The following ZBTB7A variants were observed in gnomAD, a reference collection of about 807,000 sequenced individuals.
ZBTB7A encodes zinc finger and BTB domain containing 7A.
ZBTB7A carries 7 observed loss-of-function variants against 26.7 expected under a neutral mutation model. That is an observed-to-expected ratio of 0.26 (90% confidence interval 0.15 to 0.49). The LOEUF is 0.49. Among genes scored for constraint, ZBTB7A ranks in the 20% least tolerant of loss-of-function variants. The pLI is 0.98. For synonymous variants in ZBTB7A, 452 were observed against 441.0 expected, an observed-to-expected ratio of 1.02 and a Z score of -0.31; for missense variants, 617 against 919.5, an observed-to-expected ratio of 0.67 and a Z score of 4.25.
chr19:4,056,811 G>A (rs542178245), intron 1 of ZBTB7A, among the ~76,000 whole-genome samples: 1 of 151,900 alleles, frequency 6.6e-6, no homozygotes, highest in African/African-American at 2.4e-5. Context: ...AGGTTGCAGT[G>A]AGCCGAGATT....
At chr19:4,061,254 G>A (rs1302161307) in intron 1 of ZBTB7A, among the ~76,000 whole-genome samples, 2 of 152,214 alleles carry the variant, frequency 1.3e-5, no homozygotes, top group African/African-American at 4.8e-5. Context: ...GAGTGGTGGG[G>A]CCTGAGGAGG....
At chr19:4,059,374 T>C (rs987660970) in intron 1 of ZBTB7A, among the ~76,000 whole-genome samples, 2 of 152,106 alleles carry the variant, frequency 1.3e-5, no homozygotes, top group Admixed American at 6.5e-5. Context: ...CAGTTCCAGG[T>C]TGGGTCCGGG....
chr19:4,065,310 G>C (rs1305770193), intron 1 of ZBTB7A: 4 of 148,356 alleles, frequency 2.7e-5, no homozygotes, highest in Non-Finnish European at 4.5e-5. Flanking sequence ...CCCCCCACCC[G>C]GGGCTGAGTC....
At chr19:4,063,476 C>T (rs1212535519) in intron 1 of ZBTB7A, among the ~76,000 whole-genome samples, 4 of 152,188 alleles carry the variant, frequency 2.6e-5, no homozygotes, top group East Asian at 3.8e-4. Flanking sequence ...AGAGGGGCCT[C>T]GTATGCACGT....
At position 4,054,562 on chromosome 19, in the gene ZBTB7A, G is replaced by T; in HGVS notation, c.671C>A (p.Pro224His). ...CNGLDFYGPGPPAERPPTGDG... is the reference protein window; with the variant it reads ...CNGLDFYGPGHPAERPPTGDG... ...CCCCGTCGGGGGCCGCTCGGCCGGG[G>T]GGCCCGGCCCATAGAAGTCTAAGCC... The change falls in exon 2 of 3, where the codon CCC (proline) becomes CAC (histidine). Residue 224 changes from proline to histidine, a missense_variant. Transcript: ENST00000322357. 2 of 1,489,028 alleles carry T rather than the reference G, an allele frequency of 1.3e-6. No individual in the cohort carries two copies. Among genetic ancestry groups the T allele is most frequent in the Non-Finnish European group, 1.8e-6 (2 of 1,132,058 alleles). The allele number at this position is 1,489,028 out of a possible 1,614,324, so 92.2% of individuals were successfully genotyped here.
rs932087777 is a variant in ZBTB7A at position 4,048,392 on chromosome 19, A to G, written c.1263-148T>C. The G allele has an allele frequency of 8.3e-7, 1 of 1,203,210 alleles. No homozygotes were observed. Among genetic ancestry groups the G allele is most frequent in the South Asian group, 1.9e-5 (1 of 52,210 alleles). The allele number at this position is 1,203,210 out of a possible 1,614,324, so 74.5% of individuals were successfully genotyped here. A position where few individuals can be genotyped will look rare whatever the true frequency, so the allele number is the denominator to read the frequency against. ...CAGAGGTTTCGGTGCCCCGATGGGG[A>G]CGGTCCCTCGAAAAACGAGACGAGT... On this transcript the variant is annotated intron_variant, in intron 2 of 2. Transcript: ENST00000322357. This position sits in a 1 kb window ranked among gnomAD's most constrained non-coding sequence, Gnocchi z 6.7.
In ZBTB7A at chr19:4,054,237, G is replaced by A. The variant is rs371536836; in HGVS notation, c.996C>T (p.Ala332=). 95 of 1,582,406 alleles carry A rather than the reference G, an allele frequency of 6.0e-5. No homozygotes were observed. The African/African-American group carries it at 9.8e-4, about 16-fold the overall frequency. ...QMMSSVGRAG[A]AAGDSDEESR... is the part of the protein sequence containing the mutation. ...ACTCCTCGTCGCTGTCCCCCGCCGC[G>A]GCCCCCGCCCGGCCCACCGATGACA... Residue 332 remains alanine, a synonymous_variant, in exon 2 of 3, where the codon GCC becomes GCT. Transcript: ENST00000322357.
At chr19:4,050,209 G>A (rs4807538) in intron 2 of ZBTB7A, among the ~76,000 whole-genome samples, 142,155 of 150,362 alleles carry the variant, frequency 0.95, 67,213 homozygotes, top group Admixed American at 0.96. Flanking sequence ...ACAGGCGTGC[G>A]CCACCACACC....
chr19:4,053,917 G>C (rs2144989194), intron 2 of ZBTB7A, 54 bp downstream of exon 2: 1 of 1,531,938 alleles, frequency 6.5e-7, no homozygotes, highest in Non-Finnish European at 8.7e-7. Flanking sequence ...GTCGTGAGCG[G>C]CGGATGCTGG....
rs1555691444 is a variant in ZBTB7A at position 4,044,682 on chromosome 19, TTC to T, written c.*3068_*3069del. On this transcript the variant is annotated 3_prime_UTR_variant, in exon 3 of 3. Transcript: ENST00000322357. ...TTCGCATTGTTTTTCTTTTTTTTTT[TTC>T]TCTTTTTTTTTTTGTACCAGGCAGT... The T allele has an allele frequency of 6.9e-6, 1 of 145,298 alleles. No homozygotes were observed. Among genetic ancestry groups the T allele is most frequent in the Non-Finnish European group, 1.5e-5 (1 of 66,924 alleles). 9.0% of individuals were successfully genotyped at this position (145,298 alleles called of 1,614,324 possible).
At chr19:4,064,993 G>A (rs1461837606) in intron 1 of ZBTB7A, among the ~76,000 whole-genome samples, 2 of 151,806 alleles carry the variant, frequency 1.3e-5, no homozygotes, top group African/African-American at 2.4e-5. Context: ...GTCCCTGGGG[G>A]GGCACCCGCT....
chr19:4,060,113 T>C (rs561148912), intron 1 of ZBTB7A, among the ~76,000 whole-genome samples: 6 of 151,444 alleles, frequency 4.0e-5, no homozygotes, highest in African/African-American at 1.5e-4. Context: ...CCGGGGCTGC[T>C]TGGTGCTGAC....
intron 1 of ZBTB7A, among the ~76,000 whole-genome samples, chr19:4,056,472 T>C (rs2040579354): frequency 6.6e-6 from 1 of 152,160 alleles, no homozygotes; most frequent in African/African-American, 2.4e-5. Context: ...ACGCCTGTAA[T>C]TCTAGCATTT....
rs754733561 is a variant in ZBTB7A, at chr19:4,047,886, CGTCCTT to C, written c.1615_1620del (p.Lys539_Asp540del). 9 of 1,596,318 alleles carry C rather than the reference CGTCCTT, an allele frequency of 5.6e-6. No individual in the cohort carries two copies. Among genetic ancestry groups the C allele is most frequent in the South Asian group, 2.2e-5 (2 of 89,216 alleles). Reference sequence around the variant, plus strand: ...CTGGCCACGTCCTCGTCCTCGTCCTCGTCCTTAAAGTGCTTCTCCTGGCCGTTGCGC... The same window carrying C: ...CTGGCCACGTCCTCGTCCTCGTCCTCAAAGTGCTTCTCCTGGCCGTTGCGC... On this transcript the variant is annotated inframe_deletion, in exon 3 of 3. Transcript: ENST00000322357.
intron 2 of ZBTB7A, among the ~76,000 whole-genome samples, chr19:4,049,160 GTGTGTGTGTATATA>G (rs2040465012): frequency 1.3e-4 from 2 of 15,868 alleles, no homozygotes; most frequent in African/African-American, 3.0e-4. Context: ...GTGTGTGTGT[GTGTGTGTGTATATA>G]TATATATATA....
intron 1 of ZBTB7A, among the ~76,000 whole-genome samples, chr19:4,059,636 C>T (rs1599260749): frequency 6.6e-6 from 1 of 152,082 alleles, no homozygotes; most frequent in Admixed American, 6.5e-5. Flanking sequence ...ATGGAGGGGC[C>T]GGTCCCCCCA....
Position 4,045,622 on chromosome 19 carries a change from G to C in ZBTB7A, c.*2130C>G, listed in dbSNP as rs1479950505. 1 of 340,842 alleles carries C rather than the reference G, an allele frequency of 2.9e-6. No homozygotes were observed. The highest frequency in any genetic ancestry group is 5.3e-6 in the Non-Finnish European group (1 of 189,944). The allele number at this position is 340,842 out of a possible 1,614,324, so 21.1% of individuals were successfully genotyped here. A position where few individuals can be genotyped will look rare whatever the true frequency, so the allele number is the denominator to read the frequency against. The stretch of plus-strand genomic sequence containing the variant: ...GTGTCACAGAGAAGGGGGTATGGGG[G>C]GGTCGGGGGCAGGGAGACACCCCCC... On this transcript the variant is annotated 3_prime_UTR_variant, in exon 3 of 3. Coordinates refer to ENST00000322357, the MANE Select transcript of ZBTB7A (RefSeq NM_015898.4). This position sits in a 1 kb window ranked among gnomAD's most constrained non-coding sequence, Gnocchi z 4.1.
At position 4,052,177 on chromosome 19, in the gene ZBTB7A, C is replaced by T. The variant is rs2040510784; in HGVS notation, c.1262+1794G>A. ...GTCGGGTGGGATAGCCAGCAGTGCC[C>T]GAGTCAGAATGAAACCGGGCCTGTG... On this transcript the variant is annotated intron_variant, in intron 2 of 2. Transcript: ENST00000322357. This position sits in a 1 kb window ranked among gnomAD's most constrained non-coding sequence, Gnocchi z 4.9. Among the ~76,000 whole-genome samples the T allele has an allele frequency of 2.0e-5, 3 of 152,062 alleles. No individual in the cohort carries two copies. Among genetic ancestry groups the T allele is most frequent in the Non-Finnish European group, 1.5e-5 (1 of 67,998 alleles).
intron 1 of ZBTB7A, among the ~76,000 whole-genome samples, chr19:4,065,890 G>A (rs1241923235): frequency 7.0e-6 from 1 of 142,560 alleles, no homozygotes; most frequent in Non-Finnish European, 1.6e-5. Context: ...AGGGGAGCCC[G>A]GCTCCAGGCC....
Sources: gnomAD v4.1 joint callset for allele counts (sites outside exome capture counted in the v4.1 genomes callset) on GRCh38, gnomAD v4.1.1 for gene constraint, Gnocchi (gnomAD v3.1) non-coding constraint, MANE v1.5 for transcripts, NCBI Gene and HGNC (gene_info 2026-07-23, HGNC 2026-07-21) for gene names.